P2RY14: variants seen among roughly 807,000 people sequenced by gnomAD.
P2RY14 encodes the protein P2Y purinoceptor 14.
A neutral mutation model predicts 0.9 loss-of-function variants in P2RY14; 2 were observed. That is an observed-to-expected ratio of 2.16 (90% confidence interval 0.88 to 6.79). The LOEUF is 6.79. P2RY14 is among the 30% of genes most tolerant of loss of function. The pLI, the probability that P2RY14 is intolerant of heterozygous loss-of-function variation, is 0.05. For synonymous variants in P2RY14, 158 were observed against 147.2 expected, an observed-to-expected ratio of 1.07 and a Z score of -0.53; for missense variants, 378 against 400.1, an observed-to-expected ratio of 0.94 and a Z score of 0.47.
chr3:151,269,108 G>A (rs992640391), intron 1 of P2RY14, among the ~76,000 whole-genome samples: 1 of 152,010 alleles, frequency 6.6e-6, no homozygotes, highest in African/African-American at 2.4e-5. Context: ...ATATATTGAC[G>A]ACGTACAAAA....
intron 1 of P2RY14, among the ~76,000 whole-genome samples, chr3:151,259,047 A>G (rs565449558): frequency 6.6e-6 from 1 of 152,322 alleles, no homozygotes; most frequent in East Asian, 1.9e-4. Context: ...AATAAATCAA[A>G]TTTAATTTTT....
intron 1 of P2RY14, among the ~76,000 whole-genome samples, chr3:151,224,346 A>T (rs1243064820): frequency 6.6e-6 from 1 of 152,214 alleles, no homozygotes. Flanking sequence ...ATTCTGTATC[A>T]ATAGAAAATA....
intron 1 of P2RY14, among the ~76,000 whole-genome samples, chr3:151,277,395 T>C (rs1028195159): frequency 6.6e-6 from 1 of 152,258 alleles, no homozygotes; most frequent in African/African-American, 2.4e-5. Flanking sequence ...TGCATTGTTT[T>C]CTTTTTAACT....
At chr3:151,278,095 C>T (rs370815418) in intron 1 of P2RY14, among the ~76,000 whole-genome samples, 192 bp downstream of exon 1, 1 of 152,146 alleles carries the variant, frequency 6.6e-6, no homozygotes, top group Non-Finnish European at 1.5e-5. Context: ...ATTGGATCCC[C>T]ATATTAGCAT....
At chr3:151,231,874 C>G (rs1004134354) in intron 1 of P2RY14, among the ~76,000 whole-genome samples, 2 of 152,130 alleles carry the variant, frequency 1.3e-5, no homozygotes, top group African/African-American at 4.8e-5. Flanking sequence ...TGATTACCTG[C>G]AACTTATTTT....
intron 1 of P2RY14, among the ~76,000 whole-genome samples, chr3:151,262,981 A>G (rs1468732388): frequency 1.3e-5 from 2 of 152,172 alleles, no homozygotes; most frequent in South Asian, 2.1e-4. Flanking sequence ...TCTCTAGGGC[A>G]TCTTAACATG....
chr3:151,262,215 T>C (rs1739045024), intron 1 of P2RY14, among the ~76,000 whole-genome samples: 1 of 152,238 alleles, frequency 6.6e-6, no homozygotes, highest in African/African-American at 2.4e-5. Context: ...TCCCCTGTTA[T>C]AAAGGAAACA....
At chr3:151,274,770 G>A (rs1741568594) in intron 1 of P2RY14, among the ~76,000 whole-genome samples, 1 of 152,110 alleles carries the variant, frequency 6.6e-6, no homozygotes. Flanking sequence ...TCAATTCCTA[G>A]GAGTGATGAT....
chr3:151,241,793 C>G lies in P2RY14; in HGVS notation c.-132-22151G>C, dbSNP rs546494859. On this transcript the variant is annotated intron_variant, in intron 1 of 2. Coordinates refer to ENST00000309170, the MANE Select transcript of P2RY14 (RefSeq NM_014879.4). Reference sequence around the variant, plus strand: ...AATTAGGGGAGGAGCCAAGATGGCCCAATAGGAACAGCTCCGGTCTACAGC... The same window carrying G: ...AATTAGGGGAGGAGCCAAGATGGCCGAATAGGAACAGCTCCGGTCTACAGC... 2.2e-3 allele frequency: 332 copies of G among 153,780 alleles called. 2 individuals carry two copies. The highest frequency in any genetic ancestry group is 3.7e-3 in the South Asian group (18 of 4,888). 9.5% of individuals were successfully genotyped at this position (153,780 alleles called of 1,614,324 possible).
At chr3:151,238,498 A>G (rs2149365187) in intron 1 of P2RY14, among the ~76,000 whole-genome samples, 1 of 152,322 alleles carries the variant, frequency 6.6e-6, no homozygotes, top group South Asian at 2.1e-4. Context: ...GGTTCCTGAC[A>G]CCCTTTCAGA....
chr3:151,267,177 T>A (rs183700972), intron 1 of P2RY14, among the ~76,000 whole-genome samples: 1 of 152,342 alleles, frequency 6.6e-6, no homozygotes, highest in East Asian at 1.9e-4. Flanking sequence ...TCATGGAAGA[T>A]GTGACTTATG....
At chr3:151,224,765 G>A (rs1730147625) in intron 1 of P2RY14, among the ~76,000 whole-genome samples, 1 of 152,108 alleles carries the variant, frequency 6.6e-6, no homozygotes, top group African/African-American at 2.4e-5. Flanking sequence ...TAAGCCTGTT[G>A]TCTTTTTCTC....
rs528905026 is a variant in P2RY14 at position 151,242,522 on chromosome 3, A to G, written c.-132-22880T>C. On this transcript the variant is annotated intron_variant, in intron 1 of 2. Coordinates refer to ENST00000309170, the MANE Select transcript of P2RY14 (RefSeq NM_014879.4). ...GCAGGGGCACACTGACACCTCACAC[A>G]GCAGGGTATTCCAACAGACCTGCAG... 1.3e-3 allele frequency among the ~76,000 whole-genome samples: 189 copies of G among 149,950 alleles called. 1 individual carries two copies. The highest frequency in any genetic ancestry group is 3.5e-3 in the Middle Eastern group (1 of 284).
intron 1 of P2RY14, among the ~76,000 whole-genome samples, chr3:151,252,175 C>T (rs973764195): frequency 1.3e-5 from 2 of 152,080 alleles, no homozygotes; most frequent in African/African-American, 4.8e-5. Context: ...CTATTAATAT[C>T]TCCATTCATT....
chr3:151,243,018 G>A (rs1192334488), intron 1 of P2RY14, among the ~76,000 whole-genome samples: 144 of 151,688 alleles, frequency 9.5e-4, no homozygotes, highest in African/African-American at 6.5e-4. Flanking sequence ...GGGTATCAGC[G>A]ATGGAAGATG....
intron 1 of P2RY14, among the ~76,000 whole-genome samples, chr3:151,246,300 C>T (rs998373776): frequency 6.6e-6 from 1 of 152,064 alleles, no homozygotes; most frequent in Non-Finnish European, 1.5e-5. Context: ...CAAAAAAGAG[C>T]CCGTATCGCC....
intron 1 of P2RY14, among the ~76,000 whole-genome samples, chr3:151,240,813 T>G (rs1047161499): frequency 5.9e-5 from 9 of 152,360 alleles, no homozygotes; most frequent in African/African-American, 2.2e-4. Context: ...GTCATTTCCT[T>G]AGGTCAGAGA....
chr3:151,272,972 T>C (rs918736713), intron 1 of P2RY14, among the ~76,000 whole-genome samples: 1 of 152,190 alleles, frequency 6.6e-6, no homozygotes, highest in African/African-American at 2.4e-5. Flanking sequence ...CCGAAACTTT[T>C]TGAGGGCTGA....
intron 1 of P2RY14, among the ~76,000 whole-genome samples, chr3:151,262,965 C>G (rs779679407): frequency 1.3e-5 from 2 of 152,048 alleles, no homozygotes; most frequent in Non-Finnish European, 2.9e-5. Flanking sequence ...CAGGGGAAGC[C>G]GTAGTTCTCT....
Sources: allele counts gnomAD v4.1 joint callset (sites outside exome capture counted in the v4.1 genomes callset), GRCh38; gene constraint gnomAD v4.1.1; transcripts MANE v1.5; gene names NCBI Gene and HGNC (gene_info 2026-07-23, HGNC 2026-07-21).